The following GPR89B variants were observed in gnomAD, a reference collection of about 807,000 sequenced individuals.
GPR89B encodes the protein G protein-coupled receptor 89B.
A neutral mutation model predicts 52.4 loss-of-function variants in GPR89B; 25 were observed. The observed-to-expected ratio is 0.48, with a 90% CI of 0.35 to 0.67. The LOEUF (loss-of-function observed/expected upper bound fraction) is 0.67, where lower values mean the gene tolerates loss of function less well. Ranked by LOEUF, GPR89B falls within the 30% of genes least tolerant of loss-of-function variation. The probability of loss-of-function intolerance (pLI) is 0.01; values close to 1 mark genes in which losing one functional copy is unlikely to be tolerated. For synonymous variants in GPR89B, 52 were observed against 151.2 expected, an observed-to-expected ratio of 0.34 and a Z score of 4.81; for missense variants, 146 against 450.2, an observed-to-expected ratio of 0.32 and a Z score of 6.11.
Position 147,950,793 on chromosome 1 carries a change from C to T in GPR89B, c.416-2552C>T, listed in dbSNP as rs1452338347. ...CAAAAAAATACGAAAACCAGTCAGG[C>T]GTGGTGGCGCACGCCTGCAATCGCA... On this transcript the variant is annotated intron_variant, in intron 5 of 13. Coordinates refer to ENST00000314163, the MANE Select transcript of GPR89B (RefSeq NM_016334.5). 5.9e-5 allele frequency among the ~76,000 whole-genome samples: 9 copies of T among 152,286 alleles called. 1 individual carries two copies. The South Asian group carries it at 1.7e-3, about 28-fold the overall frequency.
At chr1:147,946,237 C>T (rs1180876689) in intron 5 of GPR89B, among the ~76,000 whole-genome samples, 2 of 152,236 alleles carry the variant, frequency 1.3e-5, no homozygotes, top group Admixed American at 1.3e-4. Flanking sequence ...TTCTAACTTC[C>T]TCATCAACCT....
At chr1:147,990,002 TG>T (rs1433821753) in intron 12 of GPR89B, among the ~76,000 whole-genome samples, 1 of 152,214 alleles carries the variant, frequency 6.6e-6, no homozygotes, top group Non-Finnish European at 1.5e-5. Context: ...CTGGGTCAAA[TG>T]TTATTTCTAG....
rs1432770508 is a variant in GPR89B at position 147,986,415 on chromosome 1, CTG to C, written c.1005+123_1005+124del. On this transcript the variant is annotated intron_variant, in intron 11 of 13. Coordinates refer to ENST00000314163, the MANE Select transcript of GPR89B (RefSeq NM_016334.5). Reference sequence around the variant, plus strand: ...TGCTTCTGCTTTTGTTCTTCCCACTCTGTATATTTTGACGTATTCACATGGAA... The same window carrying C: ...TGCTTCTGCTTTTGTTCTTCCCACTCTATATTTTGACGTATTCACATGGAA... 10 of 844,104 alleles carry C rather than the reference CTG, an allele frequency of 1.2e-5. No individual in the cohort carries two copies. In the African/African-American group the frequency reaches 1.5e-4, roughly 13 times the overall value. 52.3% of individuals were successfully genotyped at this position (844,104 alleles called of 1,614,324 possible).
the GPR89B span, chr1:148,010,357 G>A: frequency 2.0e-5 from 3 of 152,140 alleles, no homozygotes; most frequent in African/African-American, 4.8e-5. Flanking sequence ...AAAAGCTCTG[G>A]GTCCCTGGAA....
chr1:147,990,729 T>C (rs1659004706), intron 12 of GPR89B, among the ~76,000 whole-genome samples: 6 of 151,806 alleles, frequency 4.0e-5, no homozygotes, highest in Admixed American at 3.3e-4. Context: ...TTCTTGTTTT[T>C]GTCAGGTTTG....
At chr1:148,000,315 T>C in the GPR89B span, among the ~76,000 whole-genome samples, 1 of 151,528 alleles carries the variant, frequency 6.6e-6, no homozygotes, top group African/African-American at 2.4e-5. Flanking sequence ...TAGCATGCCA[T>C]TAGAGACTTC....
At chr1:147,948,326 G>A (rs587765085) in intron 5 of GPR89B, among the ~76,000 whole-genome samples, 155 of 151,608 alleles carry the variant, frequency 1.0e-3, no homozygotes, top group Admixed American at 1.7e-3. Context: ...GAAAGTAATC[G>A]TATAGTGTAT....
At chr1:147,940,179 G>A (rs1290813814) in intron 3 of GPR89B, among the ~76,000 whole-genome samples, 3 of 151,938 alleles carry the variant, frequency 2.0e-5, no homozygotes, top group South Asian at 2.1e-4. Context: ...CAAGGCGGGC[G>A]GATCACGAGG....
intron 10 of GPR89B, among the ~76,000 whole-genome samples, chr1:147,976,083 A>G (rs1205356081): frequency 1.4e-4 from 22 of 152,350 alleles, no homozygotes; most frequent in Middle Eastern, 3.4e-3. Context: ...TATGTGATCA[A>G]TTTTAGAGTA....
intron 3 of GPR89B, among the ~76,000 whole-genome samples, chr1:147,940,249 A>G (rs1654445298): frequency 6.6e-6 from 1 of 151,736 alleles, no homozygotes; most frequent in Non-Finnish European, 1.5e-5. Context: ...TAAAAATACA[A>G]AAAATTAGCT....
intron 12 of GPR89B, 103 bp from the exon 13 acceptor site, chr1:147,992,399 C>T: frequency 2.3e-6 from 2 of 865,790 alleles, no homozygotes; most frequent in Non-Finnish European, 4.0e-6. Context: ...AGGATTGTGG[C>T]ATGGAAGAGA....
chr1:147,960,127 T>G (rs1396997372), intron 7 of GPR89B, among the ~76,000 whole-genome samples: 2 of 151,658 alleles, frequency 1.3e-5, no homozygotes, highest in Non-Finnish European at 2.9e-5. Flanking sequence ...AAACATTAGC[T>G]GCTGCAGGTA....
the GPR89B span, chr1:148,012,012 A>G: frequency 6.6e-6 from 1 of 152,288 alleles, no homozygotes; most frequent in South Asian, 2.1e-4. Context: ...AGTAGTTTAA[A>G]ACAGAAGATC....
In GPR89B at chr1:147,952,619, A is replaced by G. The variant is rs2995486; in HGVS notation, c.416-726A>G. Reference sequence around the variant, plus strand: ...TCCTAGAAATAGAAAGTGAAAACCAATTAAAACCATTCTTTTTCTGCAATG... The same window carrying G: ...TCCTAGAAATAGAAAGTGAAAACCAGTTAAAACCATTCTTTTTCTGCAATG... On this transcript the variant is annotated intron_variant, in intron 5 of 13. Coordinates refer to ENST00000314163, the MANE Select transcript of GPR89B (RefSeq NM_016334.5). 2.0e-5 allele frequency among the ~76,000 whole-genome samples: 3 copies of G among 152,140 alleles called. No individual in the cohort carries two copies. In the East Asian group the frequency reaches 5.8e-4, roughly 29 times the overall value.
chr1:147,961,196 A>G (rs2149067819), intron 7 of GPR89B, among the ~76,000 whole-genome samples: 1 of 152,122 alleles, frequency 6.6e-6, no homozygotes, highest in African/African-American at 2.4e-5. Flanking sequence ...GAAGAAAAAA[A>G]TAGTAAATAT....
chr1:147,954,676 A>G (rs1345941992), intron 7 of GPR89B, among the ~76,000 whole-genome samples: 1 of 152,306 alleles, frequency 6.6e-6, no homozygotes, highest in African/African-American at 2.4e-5. Context: ...AAAATTAAAA[A>G]TATAAAAAAT....
chr1:147,952,653 A>C (rs1343262696), intron 5 of GPR89B, among the ~76,000 whole-genome samples: 1 of 152,104 alleles, frequency 6.6e-6, no homozygotes, highest in East Asian at 1.9e-4. Context: ...TGCCAAACTT[A>C]CTGAGTTATT....
rs1482894551 is a variant in GPR89B, at chr1:147,983,513, G to A, written c.910-2686G>A. 2.8e-4 allele frequency among the ~76,000 whole-genome samples: 42 copies of A among 152,220 alleles called. No individual in the cohort carries two copies. In the East Asian group the frequency reaches 5.4e-3, roughly 20 times the overall value. ...CAAACAACCCCATCAAAAAGTTGGC[G>A]AAGGACATGAACAGACACTTCTCAA... On this transcript the variant is annotated intron_variant, in intron 10 of 13. Transcript: ENST00000314163.
intron 5 of GPR89B, among the ~76,000 whole-genome samples, chr1:147,950,299 CG>C (rs1378680080): frequency 1.4e-5 from 2 of 147,656 alleles, no homozygotes; most frequent in Non-Finnish European, 3.0e-5. Context: ...CCAGACGGGG[CG>C]GCGGGGCAGA....
Sources: allele counts gnomAD v4.1 joint callset (sites outside exome capture counted in the v4.1 genomes callset), GRCh38; gene constraint gnomAD v4.1.1; transcripts MANE v1.5; gene names NCBI Gene and HGNC (gene_info 2026-07-23, HGNC 2026-07-21).